The following DST variants were observed in gnomAD, a reference collection of about 807,000 sequenced individuals.
DST encodes the protein dystonin.
A neutral mutation model predicts 875.2 loss-of-function variants in DST; 253 were observed. That is an observed-to-expected ratio of 0.29 (90% CI 0.26 to 0.32). DST has a LOEUF of 0.32. Ranked by LOEUF, DST falls within the 10% of genes least tolerant of loss-of-function variation. DST has a pLI of 1.00. For synonymous variants in DST, 3,124 were observed against 3,197.1 expected (o/e 0.98, Z 0.77); for missense variants, 8,287 against 9,111.6 (o/e 0.91, Z 3.68).
chr6:56,660,894 T>C (rs371667874), intron 10 of DST, among the ~76,000 whole-genome samples: 4 of 152,120 alleles, frequency 2.6e-5, no homozygotes, highest in Non-Finnish European at 4.4e-5. Flanking sequence ...AGAAACAGTA[T>C]ATTTATAGCA....
At chr6:56,881,104 C>T (rs1204670441) in intron 3 of DST, among the ~76,000 whole-genome samples, 1 of 152,068 alleles carries the variant, frequency 6.6e-6, no homozygotes, top group Non-Finnish European at 1.5e-5. Context: ...CCGCCTCGGT[C>T]TCCCGAAGTG....
chr6:56,543,534 ACT>A (rs1411652871), intron 61 of DST, among the ~76,000 whole-genome samples: 2 of 152,244 alleles, frequency 1.3e-5, no homozygotes, highest in Admixed American at 6.5e-5. Context: ...TTCTAAAAAT[ACT>A]GTTTGAAAAT....
intron 3 of DST, among the ~76,000 whole-genome samples, chr6:56,853,710 T>C (rs1222053670): frequency 1.3e-5 from 2 of 152,128 alleles, no homozygotes; most frequent in Admixed American, 6.5e-5. Flanking sequence ...TCTCAGCTGA[T>C]TGAACAACGA....
chr6:56,472,103 C>T lies in DST; in HGVS notation c.22114G>A (p.Glu7372Lys). ...GCATCATTGAGTTTCCTCCTTCTTT[C>T]CAACGCCAGGAGCCAGACTTGCTGC... The part of the protein sequence containing the change: ...KWQQVWLLAL[E>K]RRRKLNDALD... Residue 7372 changes from glutamate (E) to lysine (K), a missense_variant, in exon 94 of 104, where the codon GAA becomes AAA. Physicochemically the swap from Glu to Lys is moderately conservative, Grantham distance 56. Coordinates refer to ENST00000680361, the MANE Select transcript of DST (RefSeq NM_001374736.1). The T allele has an allele frequency of 1.2e-6, 2 of 1,613,944 alleles. No homozygotes were observed. Among genetic ancestry groups the T allele is most frequent in the Non-Finnish European group, 1.7e-6 (2 of 1,179,848 alleles).
rs1350805099 is a variant in DST, at chr6:56,651,259, A to G, written c.1215-15T>C. The G allele has an allele frequency of 4.6e-6, 7 of 1,536,390 alleles. No individual in the cohort carries two copies. On this transcript the variant is annotated splice_polypyrimidine_tract_variant and intron_variant, in intron 10 of 103. Coordinates refer to ENST00000680361, the MANE Select transcript of DST (RefSeq NM_001374736.1). Reference sequence around the variant, plus strand: ...TCAGGTCCGGCCTAGGAAAAAATTCACTGTGTTAATTAGGTTTTCTCATGT... The same window carrying G: ...TCAGGTCCGGCCTAGGAAAAAATTCGCTGTGTTAATTAGGTTTTCTCATGT...
At chr6:56,680,531 T>A (rs1360870284) in intron 9 of DST, among the ~76,000 whole-genome samples, 2 of 152,166 alleles carry the variant, frequency 1.3e-5, no homozygotes, top group African/African-American at 2.4e-5. Context: ...TGTTTTCCCA[T>A]CCTTCCATTT....
intron 2 of DST, among the ~76,000 whole-genome samples, chr6:56,948,384 A>G (rs1003730369): frequency 1.3e-5 from 2 of 152,202 alleles, no homozygotes; most frequent in Admixed American, 6.5e-5. Context: ...GTGTGGCAAT[A>G]CAGTTGACGG....
intron 2 of DST, among the ~76,000 whole-genome samples, chr6:56,921,401 T>C (rs1804149304): frequency 6.6e-6 from 1 of 152,228 alleles, no homozygotes; most frequent in South Asian, 2.1e-4. Flanking sequence ...GAAAATTTGC[T>C]AGTAAATTTT....
chr6:56,514,458 CA>C (rs775893419), intron 72 of DST, among the ~76,000 whole-genome samples: 1 of 151,922 alleles, frequency 6.6e-6, no homozygotes, highest in Non-Finnish European at 1.5e-5. Context: ...AAAAGGTAAA[CA>C]AACAAGATTA....
At chr6:56,632,720 G>A (rs149520827) in intron 28 of DST, 134 bp downstream of exon 28, 11 of 725,492 alleles carry the variant, frequency 1.5e-5, no homozygotes, top group Admixed American at 9.0e-5. Flanking sequence ...TGCTTTTACC[G>A]TTCCACCAAT....
intron 24 of DST, among the ~76,000 whole-genome samples, 165 bp from the exon 25 acceptor site, chr6:56,635,118 C>A (rs2098812877): frequency 6.6e-6 from 1 of 152,152 alleles, no homozygotes; most frequent in Non-Finnish European, 1.5e-5. Flanking sequence ...CTCTTCCTTT[C>A]TTTGGTTTGT....
At chr6:56,884,570 T>C (rs1783742657) in intron 3 of DST, among the ~76,000 whole-genome samples, 1 of 152,186 alleles carries the variant, frequency 6.6e-6, no homozygotes, top group Non-Finnish European at 1.5e-5. Context: ...CTAGGTTCGT[T>C]ATTTTATTAG....
intron 88 of DST, 44 bp from the exon 89 acceptor site, chr6:56,482,921 C>T: frequency 7.1e-7 from 1 of 1,414,304 alleles, no homozygotes; most frequent in Non-Finnish European, 9.4e-7. Context: ...ATTACAAAAC[C>T]AAAACAGCAA....
chr6:56,805,506 A>C (rs575865303), intron 4 of DST, among the ~76,000 whole-genome samples: 1 of 152,350 alleles, frequency 6.6e-6, no homozygotes, highest in African/African-American at 2.4e-5. Context: ...AAACACCTTC[A>C]GTATTTCCTA....
intron 49 of DST, 57 bp from the exon 50 acceptor site, chr6:56,578,994 A>G: frequency 7.2e-7 from 1 of 1,390,942 alleles, no homozygotes. Context: ...TAGATTTCTA[A>G]TGTGGAAAAA....
chr6:56,664,291 A>T (rs542255000), intron 10 of DST, among the ~76,000 whole-genome samples: 2 of 152,216 alleles, frequency 1.3e-5, no homozygotes, highest in African/African-American at 4.8e-5. Context: ...TCTAAGGCAG[A>T]TATCTACTTG....
intron 4 of DST, among the ~76,000 whole-genome samples, chr6:56,759,621 T>C (rs951594310): frequency 6.6e-6 from 1 of 152,210 alleles, no homozygotes. Flanking sequence ...AGACCTCTAA[T>C]ATATTACAAT....
Position 56,610,538 on chromosome 6 carries a change from T to C in DST, c.5172A>G (p.Glu1724=), listed in dbSNP as rs2098536053. The change falls in exon 39 of 104, where the codon GAA becomes GAG. Residue 1724 remains glutamate, a synonymous_variant. Coordinates refer to ENST00000680361, the MANE Select transcript of DST (RefSeq NM_001374736.1). The part of the protein sequence containing the change: ...GDKMTDEERN[E]LEKQVKTLQE... ...GAAGAGTTTTCACTTGTTTTTCCAA[T>C]TCATTTCTTTCTTCATCTGTCATTC... 1.3e-6 allele frequency: 2 copies of C among 1,572,162 alleles called. No individual in the cohort carries two copies. Among genetic ancestry groups the C allele is most frequent in the African/African-American group, 1.4e-5 (1 of 73,532 alleles).
chr6:56,854,017 G>A (rs886773585), intron 3 of DST, among the ~76,000 whole-genome samples: 1 of 151,878 alleles, frequency 6.6e-6, no homozygotes, highest in African/African-American at 2.4e-5. Context: ...TTAAAGTATC[G>A]GATTTTTTCC....
Sources: allele counts gnomAD v4.1 joint callset (sites outside exome capture counted in the v4.1 genomes callset), GRCh38; gene constraint gnomAD v4.1.1; transcripts MANE v1.5; gene names NCBI Gene and HGNC (gene_info 2026-07-23, HGNC 2026-07-21).